The following RECQL variants were observed in gnomAD, a reference collection of about 807,000 sequenced individuals.
RECQL encodes the protein RecQ like helicase.
In RECQL, 73 loss-of-function variants were observed where a neutral mutation model predicts 75.8. The ratio of observed to expected loss-of-function variants is 0.96; its 90% CI spans 0.80 to 1.17. RECQL has a LOEUF of 1.17. Ranked by LOEUF, RECQL falls within the 50% of genes most tolerant of loss-of-function variation. The probability of loss-of-function intolerance (pLI) is 0.00; values close to 1 mark genes in which losing one functional copy is unlikely to be tolerated. For missense variants in RECQL, 699 were observed against 772.1 expected (o/e 0.91, Z 1.12); for synonymous variants, 248 against 254.4 (o/e 0.97, Z 0.24).
rs577731108 is a variant in RECQL, at chr12:21,482,604, C to T, written c.700+772G>A. Among the ~76,000 whole-genome samples, 4 of 152,212 alleles carry T rather than the reference C, an allele frequency of 2.6e-5. No homozygotes were observed. In the South Asian group the frequency reaches 8.3e-4, roughly 32 times the overall value. ...CGCCTGAAGCAGACTGGCAGAATGGCCAGGCAGTCCAGGGCAAATATAACA... is the reference window on the plus strand; with the variant it reads ...CGCCTGAAGCAGACTGGCAGAATGGTCAGGCAGTCCAGGGCAAATATAACA... On this transcript the variant is annotated intron_variant, in intron 6 of 14. Transcript: ENST00000444129.
chr12:21,499,661 A>G (rs1362464506), intron 1 of RECQL, 46 bp from the exon 2 acceptor site: 10 of 980,160 alleles, frequency 1.0e-5, no homozygotes, highest in Non-Finnish European at 1.6e-5. Flanking sequence ...TAAAAATAGT[A>G]CTATTAATGA....
At chr12:21,496,267 T>A (rs1322326142) in intron 2 of RECQL, among the ~76,000 whole-genome samples, 2 of 152,218 alleles carry the variant, frequency 1.3e-5, no homozygotes, top group African/African-American at 4.8e-5. Context: ...GCAGCCATGG[T>A]TCCAGCTGTA....
chr12:21,471,267 TTTTA>T (rs1391028650), intron 13 of RECQL, 157 bp downstream of exon 13: 82 of 980,170 alleles, frequency 8.4e-5, no homozygotes, highest in Admixed American at 3.4e-4. Context: ...CGTTACTTTT[TTTTA>T]TTTATAGTGA....
chr12:21,482,846 A>G (rs996014783), intron 6 of RECQL, among the ~76,000 whole-genome samples: 2 of 152,198 alleles, frequency 1.3e-5, no homozygotes, highest in Non-Finnish European at 2.9e-5. Context: ...ACTTTAGGCT[A>G]TGACTGTAGG....
chr12:21,479,370 T>TTTTA (rs1943149238), intron 6 of RECQL, among the ~76,000 whole-genome samples: 1 of 119,526 alleles, frequency 8.4e-6, no homozygotes, highest in African/African-American at 2.9e-5. Context: ...TTTTTTTTTT[T>TTTTA]GAGATGGAGT....
At chr12:21,478,384 G>A (rs1319347310) in intron 6 of RECQL, among the ~76,000 whole-genome samples, 2 of 152,048 alleles carry the variant, frequency 1.3e-5, no homozygotes, top group African/African-American at 4.8e-5. Flanking sequence ...TAGATAAATT[G>A]TCACTTAAAC....
At chr12:21,498,475 T>C (rs1805681063) in intron 2 of RECQL, among the ~76,000 whole-genome samples, 1 of 152,150 alleles carries the variant, frequency 6.6e-6, no homozygotes, top group South Asian at 2.1e-4. Flanking sequence ...GAAATGCTTG[T>C]ACCAGGGGAA....
intron 3 of RECQL, 103 bp from the exon 4 acceptor site, chr12:21,490,481 T>C: frequency 1.5e-6 from 1 of 674,164 alleles, no homozygotes; most frequent in East Asian, 2.7e-5. Context: ...TTATAGACCA[T>C]TAAACTTTTA....
intron 3 of RECQL, among the ~76,000 whole-genome samples, chr12:21,490,630 G>A (rs536524387): frequency 3.3e-5 from 5 of 152,238 alleles, no homozygotes; most frequent in African/African-American, 1.2e-4. Context: ...AGGATTACTT[G>A]AGCTCAGGAG....
rs1032873081 is a variant in RECQL at position 21,469,848 on chromosome 12, T to C, written c.*346A>G. 2 of 194,096 alleles carry C rather than the reference T, an allele frequency of 1.0e-5. No homozygotes were observed. The highest frequency in any genetic ancestry group is 8.8e-5 in the South Asian group (1 of 11,346). 12.0% of individuals were successfully genotyped at this position (194,096 alleles called of 1,614,324 possible). A position where few individuals can be genotyped will look rare whatever the true frequency, so the allele number is the denominator to read the frequency against. ...ACTCAGTGAGCCTCTGTCAGTATAA[T>C]ATTGCTTTCAAAAAGATAGTTATGT... is the stretch of plus-strand genomic sequence containing the variant. On this transcript the variant is annotated 3_prime_UTR_variant, in exon 15 of 15. Coordinates refer to ENST00000444129, the MANE Select transcript of RECQL (RefSeq NM_002907.4).
intron 7 of RECQL, 46 bp from the exon 8 acceptor site, chr12:21,477,038 C>T (rs767259172): frequency 1.1e-4 from 153 of 1,371,112 alleles, no homozygotes; most frequent in Non-Finnish European, 1.4e-4. Flanking sequence ...TGAGTACCAT[C>T]CAAGTGGCTG....
At chr12:21,482,446 G>A (rs192932351) in intron 6 of RECQL, among the ~76,000 whole-genome samples, 1,548 of 152,270 alleles carry the variant, frequency 0.01, 10 homozygotes, top group Non-Finnish European at 0.017. Flanking sequence ...ATAGGGACAA[G>A]TATAAGGACG....
At chr12:21,483,919 C>G (rs1647010631) in intron 5 of RECQL, among the ~76,000 whole-genome samples, 1 of 152,052 alleles carries the variant, frequency 6.6e-6, no homozygotes, top group African/African-American at 2.4e-5. Context: ...GAGCTAGATG[C>G]AATTGTTATG....
At chr12:21,490,429 G>A (rs369672998) in intron 3 of RECQL, 51 bp from the exon 4 acceptor site, 24 of 1,244,604 alleles carry the variant, frequency 1.9e-5, no homozygotes, top group Non-Finnish European at 2.8e-5. Context: ...TATTATAGAA[G>A]TTTGATAAGA....
At chr12:21,477,749 T>A (rs1213109488) in intron 7 of RECQL, 54 bp downstream of exon 7, 4 of 1,406,194 alleles carry the variant, frequency 2.8e-6, no homozygotes, top group Admixed American at 2.2e-5. Flanking sequence ...AAAAGGCAGA[T>A]CCCCTCTGCG....
chr12:21,490,382 G>A lies in RECQL; in HGVS notation c.215-4C>T, dbSNP rs751424902. 2 of 1,591,876 alleles carry A rather than the reference G, an allele frequency of 1.3e-6. No homozygotes were observed. The highest frequency in any genetic ancestry group is 1.7e-6 in the Non-Finnish European group (2 of 1,162,902). On this transcript the variant is annotated splice_region_variant and splice_polypyrimidine_tract_variant and intron_variant, in intron 3 of 14. Coordinates refer to ENST00000444129, the MANE Select transcript of RECQL (RefSeq NM_002907.4). The stretch of plus-strand genomic sequence containing the variant: ...ACTTTACCAGACCATGGAAAATCTA[G>A]GAAAAGAAAGTTAAGAATCAGACAA...
intron 7 of RECQL, among the ~76,000 whole-genome samples, chr12:21,477,527 AAAG>A (rs1373938002): frequency 6.6e-6 from 1 of 152,200 alleles, no homozygotes; most frequent in African/African-American, 2.4e-5. Context: ...TTTATACAAA[AAAG>A]AACATACAGA....
Position 21,475,819 on chromosome 12 carries a change from T to C in RECQL, c.955A>G (p.Ile319Val), listed in dbSNP as rs530488411. ...NGRYKGQSGI[I>V]YCFSQKDSEQ... ...GAGTCTTTCTGAGAAAAACAATATA[T>C]GATTCCTGCAGTAAAATATGTGCAT... The change falls in exon 9 of 15, where the codon ATA becomes GTA. Residue 319 changes from isoleucine (I) to valine (V), a missense_variant. Around this residue, in one of 2 missense-constraint regions of RECQL, gnomAD observed 669 missense variants for 713.5 expected, o/e 0.94. Coordinates refer to ENST00000444129, the MANE Select transcript of RECQL (RefSeq NM_002907.4). The C allele has an allele frequency of 2.5e-6, 4 of 1,610,918 alleles. No homozygotes were observed. Among genetic ancestry groups the C allele is most frequent in the South Asian group, 1.1e-5 (1 of 90,960 alleles).
At position 21,477,851 on chromosome 12, in the gene RECQL, CTT is replaced by C. The variant is rs1184407336; in HGVS notation, c.817_818del (p.Lys273ValfsTer9). The C allele has an allele frequency of 1.2e-6, 2 of 1,613,582 alleles. No individual in the cohort carries two copies. The highest frequency in any genetic ancestry group is 2.7e-5 in the African/African-American group (2 of 74,906). ...TDAQKILCIE[K>X]CFTFTASFNR... ...TAAAAGAAGCTGTAAAAGTAAAACACTTTTCAATGCACAAAATTTTCTGAGCA... is the reference window on the plus strand; with the variant it reads ...TAAAAGAAGCTGTAAAAGTAAAACACTTCAATGCACAAAATTTTCTGAGCA... On this transcript the variant is annotated frameshift_variant, in exon 7 of 15. Coordinates refer to ENST00000444129, the MANE Select transcript of RECQL (RefSeq NM_002907.4). LOFTEE classifies it high-confidence loss of function.
Sources: allele counts gnomAD v4.1 joint callset (sites outside exome capture counted in the v4.1 genomes callset), GRCh38; gene constraint gnomAD v4.1.1; regional missense constraint gnomAD v4.1.1; transcripts MANE v1.5; gene names NCBI Gene and HGNC (gene_info 2026-07-23, HGNC 2026-07-21).